STAU1: variants seen among roughly 807,000 people sequenced by gnomAD.
STAU1 encodes the protein staufen double-stranded RNA binding protein 1.
Under a neutral mutation model 62.9 loss-of-function variants are expected in STAU1, and 13 were observed. That is an observed-to-expected ratio of 0.21 (90% CI 0.13 to 0.33). STAU1 has a LOEUF of 0.33. STAU1 is among the 10% of genes least tolerant of loss of function. The probability of loss-of-function intolerance (pLI) is 1.00; values close to 1 mark genes in which losing one functional copy is unlikely to be tolerated. For synonymous variants in STAU1, 269 were observed against 265.1 expected (o/e 1.01, Z -0.14); for missense variants, 571 against 712.1 (o/e 0.80, Z 2.25).
intron 6 of STAU1, among the ~76,000 whole-genome samples, chr20:49,131,550 A>G (rs2092750210): frequency 6.6e-6 from 1 of 152,158 alleles, no homozygotes; most frequent in South Asian, 2.1e-4. Context: ...TTTATGGAAA[A>G]AGAAAAAGCA....
chr20:49,132,400 T>C lies in STAU1; in HGVS notation c.609+3433A>G, dbSNP rs560678388. 2.5e-3 allele frequency among the ~76,000 whole-genome samples: 376 copies of C among 152,308 alleles called. 2 individuals carry two copies. Among genetic ancestry groups the C allele is most frequent in the Middle Eastern group, 0.01 (3 of 294 alleles). The stretch of plus-strand genomic sequence containing the variant: ...TGCATGTGGTGTGAGCATGTCACAA[T>C]TGTCTCCCGATGACCGTATCCATCA... On this transcript the variant is annotated intron_variant, in intron 6 of 13. Transcript: ENST00000371856.
intron 1 of STAU1, among the ~76,000 whole-genome samples, chr20:49,174,493 G>C (rs2146495455): frequency 6.6e-6 from 1 of 152,194 alleles, no homozygotes; most frequent in South Asian, 2.1e-4. Context: ...GCCGAGGCGG[G>C]CAGACCACCT....
intron 5 of STAU1, among the ~76,000 whole-genome samples, chr20:49,136,157 A>G (rs1003856700): frequency 2.0e-5 from 3 of 152,072 alleles, no homozygotes; most frequent in African/African-American, 7.2e-5. Flanking sequence ...ACTTAGGTGG[A>G]TGTGGTGGTG....
intron 2 of STAU1, among the ~76,000 whole-genome samples, chr20:49,171,049 T>A (rs1323819266): frequency 6.6e-6 from 1 of 152,228 alleles, no homozygotes; most frequent in African/African-American, 2.4e-5. Flanking sequence ...AGATTGCACA[T>A]TCTTAAATGC....
intron 3 of STAU1, among the ~76,000 whole-genome samples, chr20:49,161,716 A>C (rs935304538): frequency 6.6e-6 from 1 of 152,240 alleles, no homozygotes; most frequent in Non-Finnish European, 1.5e-5. Flanking sequence ...ACTGAAGTCA[A>C]CTAGCAGTAT....
At chr20:49,171,508 C>G (rs1158825513) in intron 2 of STAU1, among the ~76,000 whole-genome samples, 1 of 152,162 alleles carries the variant, frequency 6.6e-6, no homozygotes, top group Non-Finnish European at 1.5e-5. Flanking sequence ...ACCGTGGTCT[C>G]TATCTCCTGA....
chr20:49,169,437 A>G (rs934576946), intron 2 of STAU1, among the ~76,000 whole-genome samples: 2 of 152,240 alleles, frequency 1.3e-5, no homozygotes, highest in African/African-American at 4.8e-5. Context: ...CTTTGGAAAT[A>G]GAACTTCTGT....
chr20:49,122,891 T>C (rs2092498008), intron 8 of STAU1, among the ~76,000 whole-genome samples: 1 of 151,476 alleles, frequency 6.6e-6, no homozygotes, highest in South Asian at 2.1e-4. Context: ...CACTCCAGCC[T>C]GGGCGACAGA....
chr20:49,192,920 C>T (rs1422118568), upstream of STAU1, among the ~76,000 whole-genome samples: 1 of 152,104 alleles, frequency 6.6e-6, no homozygotes, highest in East Asian at 1.9e-4. Context: ...AGAAAAATAA[C>T]CAAGAACTTT....
the STAU1 span, among the ~76,000 whole-genome samples, chr20:49,195,657 A>C: frequency 3.3e-5 from 5 of 151,334 alleles, no homozygotes; most frequent in African/African-American, 1.2e-4. Context: ...TAATCCCAAC[A>C]CTTTGGGAGC....
At chr20:49,206,640 G>A in the STAU1 span, among the ~76,000 whole-genome samples, 2 of 142,594 alleles carry the variant, frequency 1.4e-5, no homozygotes, top group Admixed American at 1.5e-4. Context: ...GAGATTATAG[G>A]CATGAGCCAC....
chr20:49,174,309 C>CT (rs1280392429), intron 1 of STAU1, 40 bp from the exon 2 acceptor site: 4 of 152,072 alleles, frequency 2.6e-5, no homozygotes, highest in African/African-American at 9.7e-5. Flanking sequence ...TAGGGTAGGT[C>CT]TTTTCTCTGA....
In STAU1 at chr20:49,123,119, G is replaced by A. The variant is rs778549192; in HGVS notation, c.939C>T (p.Leu313=). Residue 313 remains leucine (L), a synonymous_variant, in exon 8 of 14, where the codon CTC becomes CTT. Transcript: ENST00000371856. ...PEYTLLTERG[L]PRRREFVMQV... is the part of the protein sequence containing the mutation. ...GCATCACAAACTCCCTGCGGCGCGG[G>A]AGGCCTCGCTCTGTGAGGAGCGTGT... 3.1e-6 allele frequency: 5 copies of A among 1,611,222 alleles called. No individual in the cohort carries two copies. The South Asian group carries it at 3.3e-5, about 11-fold the overall frequency.
At position 49,140,555 on chromosome 20, in the gene STAU1, TA is replaced by T. The variant is rs773979587; in HGVS notation, c.511-4625del. Among the ~76,000 whole-genome samples the T allele has an allele frequency of 1.1e-4, 17 of 149,288 alleles. No individual in the cohort carries two copies. In the East Asian group the frequency reaches 1.8e-3, roughly 15 times the overall value. ...ACAGTAAGTAACATAAGCCACACAT[TA>T]AAAAAAAAATCCATTTTTATGAAGT... On this transcript the variant is annotated intron_variant, in intron 5 of 13. Transcript: ENST00000371856.
the STAU1 span, among the ~76,000 whole-genome samples, chr20:49,194,941 G>GT: frequency 6.7e-6 from 1 of 149,704 alleles, no homozygotes; most frequent in African/African-American, 2.5e-5. Context: ...CTGTGTCAAA[G>GT]TAAAAAAAAA....
At chr20:49,184,435 C>A (rs1327209262) in intron 1 of STAU1, among the ~76,000 whole-genome samples, 1 of 152,156 alleles carries the variant, frequency 6.6e-6, no homozygotes, top group African/African-American at 2.4e-5. Flanking sequence ...CTCCACACAC[C>A]AGTGAACCTC....
At chr20:49,204,489 C>A in the STAU1 span, among the ~76,000 whole-genome samples, 1 of 149,190 alleles carries the variant, frequency 6.7e-6, no homozygotes, top group Non-Finnish European at 1.5e-5. Context: ...TTTACCCAGG[C>A]TCGTTCTGAG....
chr20:49,208,251 G>T, the STAU1 span, among the ~76,000 whole-genome samples: 4 of 152,032 alleles, frequency 2.6e-5, no homozygotes, highest in Non-Finnish European at 5.9e-5. Flanking sequence ...GTAGAGACGG[G>T]GTTTCACCAT....
At chr20:49,118,121 A>G (rs2092375264) in intron 10 of STAU1, 25 bp from the exon 11 acceptor site, 1 of 1,602,952 alleles carries the variant, frequency 6.2e-7, no homozygotes. Flanking sequence ...CACGGTAAAC[A>G]CGAATCCACA....
Sources: gnomAD v4.1 joint callset for allele counts (sites outside exome capture counted in the v4.1 genomes callset) on GRCh38, gnomAD v4.1.1 for gene constraint, MANE v1.5 for transcripts, NCBI Gene and HGNC (gene_info 2026-07-23, HGNC 2026-07-21) for gene names.